COL22A1: variants seen among roughly 807,000 people sequenced by gnomAD.
The protein encoded by COL22A1 is collagen type XXII alpha 1 chain.
In COL22A1, 221 loss-of-function variants were observed where a neutral mutation model predicts 248.9. The observed-to-expected ratio is 0.89, with a 90% CI of 0.80 to 0.99. The LOEUF (loss-of-function observed/expected upper bound fraction) is 0.99. Among genes scored for constraint, COL22A1 ranks in the 50% least tolerant of loss-of-function variants. The pLI is 0.00. For missense variants in COL22A1, 2,240 were observed against 2,179.0 expected (o/e 1.03, Z -0.56); for synonymous variants, 891 against 793.4 (o/e 1.12, Z -2.07).
At chr8:138,689,348 G>A (rs1484605627) in intron 36 of COL22A1, among the ~76,000 whole-genome samples, 3 of 152,174 alleles carry the variant, frequency 2.0e-5, no homozygotes, top group Admixed American at 2.0e-4. Flanking sequence ...CTCCAACAGT[G>A]TCTTTGGAGT....
At chr8:138,594,699 G>T (rs1817377529) in intron 62 of COL22A1, among the ~76,000 whole-genome samples, 1 of 152,190 alleles carries the variant, frequency 6.6e-6, no homozygotes, top group African/African-American at 2.4e-5. Flanking sequence ...AGGAGATGCT[G>T]GCTGCTACCC....
At chr8:138,593,965 T>C in intron 63 of COL22A1, 52 bp downstream of exon 63, 1 of 1,398,102 alleles carries the variant, frequency 7.2e-7, no homozygotes, top group African/African-American at 1.5e-5. Flanking sequence ...CCCTGTTCCT[T>C]CTCCGCCCTC....
chr8:138,871,756 T>C (rs190989150), intron 3 of COL22A1, among the ~76,000 whole-genome samples: 71 of 152,352 alleles, frequency 4.7e-4, no homozygotes, highest in African/African-American at 1.7e-3. Context: ...AGATATTACC[T>C]GTAAATGTTT....
chr8:138,652,073 C>T (rs1428232089), intron 45 of COL22A1, among the ~76,000 whole-genome samples: 1 of 152,194 alleles, frequency 6.6e-6, no homozygotes, highest in African/African-American at 2.4e-5. Flanking sequence ...TGAGATCACC[C>T]CAATCTGCAG....
intron 49 of COL22A1, among the ~76,000 whole-genome samples, chr8:138,631,336 T>C (rs1020250065): frequency 1.2e-4 from 19 of 152,306 alleles, no homozygotes; most frequent in Admixed American, 1.2e-3. Flanking sequence ...AGCTATTCTC[T>C]GGGAATACAT....
intron 10 of COL22A1, among the ~76,000 whole-genome samples, chr8:138,805,421 T>C (rs111066394): frequency 0.33 from 45,799 of 140,122 alleles, 7,787 homozygotes; most frequent in African/African-American, 0.49. Context: ...GTAAAGGTTG[T>C]GTATGGTGGT....
intron 36 of COL22A1, among the ~76,000 whole-genome samples, chr8:138,690,476 G>A (rs983509967): frequency 6.6e-6 from 1 of 152,134 alleles, no homozygotes; most frequent in African/African-American, 2.4e-5. Flanking sequence ...AGCTGGATTC[G>A]AATCCAGGTC....
At chr8:138,611,858 T>C (rs916716761) in intron 56 of COL22A1, among the ~76,000 whole-genome samples, 3 of 152,238 alleles carry the variant, frequency 2.0e-5, no homozygotes, top group African/African-American at 7.2e-5. Flanking sequence ...ACAAAGCCCA[T>C]GCTTGTCCAC....
At chr8:138,596,222 A>G (rs1817529628) in intron 62 of COL22A1, among the ~76,000 whole-genome samples, 1 of 152,230 alleles carries the variant, frequency 6.6e-6, no homozygotes, top group South Asian at 2.1e-4. Flanking sequence ...TGCTACGCAC[A>G]GGCACATGCT....
chr8:138,847,540 T>C (rs575059712), intron 3 of COL22A1, among the ~76,000 whole-genome samples: 1 of 152,308 alleles, frequency 6.6e-6, no homozygotes, highest in South Asian at 2.1e-4. Flanking sequence ...CTTTCCAGTC[T>C]CACTTGCAGC....
chr8:138,628,189 T>C (rs2131983820), intron 50 of COL22A1, among the ~76,000 whole-genome samples: 1 of 150,882 alleles, frequency 6.6e-6, no homozygotes, highest in South Asian at 2.1e-4. Flanking sequence ...TTATTTTGTG[T>C]CAAAAAGCCT....
chr8:138,607,254 C>A (rs956991041), intron 57 of COL22A1, among the ~76,000 whole-genome samples: 1 of 152,184 alleles, frequency 6.6e-6, no homozygotes, highest in Non-Finnish European at 1.5e-5. Context: ...TGGCTCACAC[C>A]TTGCAGGTGG....
chr8:138,764,855 A>G (rs377550161), intron 16 of COL22A1, among the ~76,000 whole-genome samples: 90 of 152,246 alleles, frequency 5.9e-4, no homozygotes, highest in African/African-American at 2.1e-3. Context: ...CCTGCTACTC[A>G]GGAGGCAGGA....
chr8:138,797,325 A>AT (rs1033919739), intron 11 of COL22A1, among the ~76,000 whole-genome samples: 8 of 152,150 alleles, frequency 5.3e-5, no homozygotes, highest in Non-Finnish European at 1.2e-4. Context: ...TCTTCTGTAC[A>AT]TTTTTTATAT....
At chr8:138,651,680 T>C (rs1822750822) in intron 45 of COL22A1, among the ~76,000 whole-genome samples, 1 of 152,060 alleles carries the variant, frequency 6.6e-6, no homozygotes, top group African/African-American at 2.4e-5. Context: ...TATTGTACTC[T>C]AAGATGAGAT....
intron 59 of COL22A1, among the ~76,000 whole-genome samples, chr8:138,603,996 C>T (rs1240938789): frequency 1.3e-5 from 2 of 152,202 alleles, no homozygotes; most frequent in Non-Finnish European, 2.9e-5. Context: ...TACAGCAGAA[C>T]AGAGCAGGGT....
intron 22 of COL22A1, 59 bp downstream of exon 22, chr8:138,751,399 T>C (rs1832586590): frequency 8.2e-7 from 1 of 1,217,424 alleles, no homozygotes; most frequent in African/African-American, 1.5e-5. Context: ...CATGGCATTA[T>C]AAAATAGGGA....
intron 23 of COL22A1, among the ~76,000 whole-genome samples, chr8:138,729,329 C>T (rs1428324808): frequency 6.6e-6 from 1 of 152,116 alleles, no homozygotes; most frequent in East Asian, 1.9e-4. Flanking sequence ...TCCTAAAAGA[C>T]TCTGCATGTT....
chr8:138,854,600 T>C (rs1327772523), intron 3 of COL22A1, among the ~76,000 whole-genome samples: 2 of 152,182 alleles, frequency 1.3e-5, no homozygotes, highest in African/African-American at 4.8e-5. Flanking sequence ...CTGTGACTGA[T>C]GATCACCAAT....
Sources: gnomAD v4.1 joint callset for allele counts (sites outside exome capture counted in the v4.1 genomes callset) on GRCh38, gnomAD v4.1.1 for gene constraint, MANE v1.5 for transcripts, NCBI Gene and HGNC (gene_info 2026-07-23, HGNC 2026-07-21) for gene names.